DUXA: variants seen among roughly 807,000 people sequenced by gnomAD.
DUXA encodes double homeobox protein A.
In DUXA, 25 loss-of-function variants were observed where a neutral mutation model predicts 27.5. That is an observed-to-expected ratio of 0.91 (90% CI 0.66 to 1.27). DUXA has a LOEUF of 1.27. DUXA is among the 50% of genes most tolerant of loss of function. The probability of loss-of-function intolerance (pLI) is 0.00; values close to 1 mark genes in which losing one functional copy is unlikely to be tolerated. For missense variants in DUXA, 247 were observed against 242.9 expected, an observed-to-expected ratio of 1.02 and a Z score of -0.11; for synonymous variants, 90 against 80.5, an observed-to-expected ratio of 1.12 and a Z score of -0.63.
At chr19:57,167,307 A>T in intron 1 of DUXA, 112 bp downstream of exon 1, 3 of 1,341,024 alleles carry the variant, frequency 2.2e-6, no homozygotes, top group Non-Finnish European at 3.2e-6. Context: ...CTATCCAGAT[A>T]CAGTTAAAGT....
chr19:57,166,450 C>T (rs1367374268), intron 1 of DUXA, among the ~76,000 whole-genome samples: 2 of 152,126 alleles, frequency 1.3e-5, no homozygotes, highest in Admixed American at 6.6e-5. Context: ...GCTGGGACTA[C>T]AGGCGCCCAC....
chr19:57,158,734 G>A (rs4801434), intron 3 of DUXA, among the ~76,000 whole-genome samples: 93,660 of 152,102 alleles, frequency 0.62, 29,275 homozygotes, highest in South Asian at 0.78. Context: ...CTGTAATGCC[G>A]GCACTTTAAG....
chr19:57,155,008 C>T (rs1250077356), intron 5 of DUXA, among the ~76,000 whole-genome samples: 1 of 152,200 alleles, frequency 6.6e-6, no homozygotes. Context: ...TCCTTTGTAC[C>T]AGGCACTGGG....
At chr19:57,155,646 AAGATAGATAGAT>A (rs35512413) in intron 4 of DUXA, among the ~76,000 whole-genome samples, 1 of 144,012 alleles carries the variant, frequency 6.9e-6, no homozygotes, top group Admixed American at 7.1e-5. Flanking sequence ...TGCCCAACCC[AAGATAGATAGAT>A]AGATAGATAG....
In DUXA at chr19:57,161,450, C is replaced by A. The variant is rs544808743; in HGVS notation, c.26-653G>T. The stretch of plus-strand genomic sequence containing the variant: ...CATCCTGGCTAACATGATGAAACCC[C>A]GTCTCTACTAAAAATACAAAAAATT... On this transcript the variant is annotated intron_variant, in intron 1 of 5. Transcript: ENST00000554048. Among the ~76,000 whole-genome samples the A allele has an allele frequency of 1.1e-3, 160 of 149,462 alleles. 4 individuals are homozygous for A. The highest frequency in any genetic ancestry group is 9.8e-3 in the Admixed American group (148 of 15,100).
At chr19:57,158,828 C>T (rs2087005728) in intron 3 of DUXA, among the ~76,000 whole-genome samples, 1 of 152,100 alleles carries the variant, frequency 6.6e-6, no homozygotes, top group African/African-American at 2.4e-5. Context: ...ACTAAAAGTA[C>T]AAAAATTAGC....
chr19:57,160,786 T>C lies in DUXA; in HGVS notation c.37A>G (p.Thr13Ala). The C allele has an allele frequency of 6.2e-7, 1 of 1,614,072 alleles. No individual in the cohort carries two copies. The highest frequency in any genetic ancestry group is 8.5e-7 in the Non-Finnish European group (1 of 1,180,022). The change falls in exon 2 of 6, where the codon ACA becomes GCA. Residue 13 changes from threonine to alanine, a missense_variant. Physicochemically the swap from Thr to Ala is moderately conservative, Grantham distance 58. Transcript: ENST00000554048. ...EDTYSHKMVK[T>A]NHRRCRTKFT... ...TTTGTGCGACAGCGCCTATGATTTGTTTTTACCATCTCTGTAGGAAGATTA... is the reference window on the plus strand; with the variant it reads ...TTTGTGCGACAGCGCCTATGATTTGCTTTTACCATCTCTGTAGGAAGATTA...
At chr19:57,160,074 C>T (rs1412177570) in intron 2 of DUXA, among the ~76,000 whole-genome samples, 1 of 152,120 alleles carries the variant, frequency 6.6e-6, no homozygotes, top group Non-Finnish European at 1.5e-5. Flanking sequence ...CACTGCACTC[C>T]AGCTTGGACG....
intron 4 of DUXA, among the ~76,000 whole-genome samples, chr19:57,156,885 C>T (rs1459676791): frequency 2.0e-5 from 3 of 152,036 alleles, no homozygotes; most frequent in Admixed American, 6.6e-5. Flanking sequence ...AGGCTGGTCT[C>T]GAACTCCCGA....
chr19:57,154,608 G>A, intron 5 of DUXA, 126 bp from the exon 6 acceptor site: 4 of 704,764 alleles, frequency 5.7e-6, no homozygotes, highest in South Asian at 5.4e-5. Flanking sequence ...TTGTCGCCCA[G>A]GCTGGAGTGC....
At chr19:57,156,371 C>T (rs1231712289) in intron 4 of DUXA, among the ~76,000 whole-genome samples, 6 of 152,106 alleles carry the variant, frequency 3.9e-5, no homozygotes, top group South Asian at 4.1e-4. Context: ...TATACTTGTA[C>T]GCACACACTC....
rs772135803 is a variant in DUXA at position 57,155,356 on chromosome 19, C to T, written c.455G>A (p.Arg152Gln). The change falls in exon 5 of 6, where the codon CGA becomes CAA. Residue 152 changes from arginine (R) to glutamine (Q), a missense_variant. By Grantham distance (43) the Arg-to-Gln change is conservative. Transcript: ENST00000554048. ...TCTCTGGAGAAGTAATCTAGATCTT[C>T]GATTTTGGAACCAAATCTAAGTGGT... The part of the protein sequence containing the change: ...ESRVQIWFQN[R>Q]RSRLLLQRKR... The T allele has an allele frequency of 3.1e-6, 5 of 1,613,964 alleles. No homozygotes were observed. The highest frequency in any genetic ancestry group is 2.7e-5 in the African/African-American group (2 of 75,000).
At chr19:57,155,646 A>AAGATAGATAGATAGATAGATGAT (rs2086989408) in intron 4 of DUXA, among the ~76,000 whole-genome samples, 3 of 144,120 alleles carry the variant, frequency 2.1e-5, no homozygotes, top group African/African-American at 7.8e-5. Flanking sequence ...TGCCCAACCC[A>AAGATAGATAGATAGATAGATGAT]AGATAGATAG....
Position 57,167,467 on chromosome 19 carries a change from G to A in DUXA, c.-24C>T. On this transcript the variant is annotated 5_prime_UTR_variant, in exon 1 of 6. Coordinates refer to ENST00000554048, the MANE Select transcript of DUXA (RefSeq NM_001012729.2). ...ATGCTGGAAGAGAGTCCTGAAGGCT[G>A]AGCCACTGTCTGGGAGACAAGTCAC... The A allele has an allele frequency of 6.2e-7, 1 of 1,612,362 alleles. No individual in the cohort carries two copies. The highest frequency in any genetic ancestry group is 8.5e-7 in the Non-Finnish European group (1 of 1,179,534).
At chr19:57,161,453 C>G (rs901180525) in intron 1 of DUXA, among the ~76,000 whole-genome samples, 5 of 149,852 alleles carry the variant, frequency 3.3e-5, no homozygotes, top group African/African-American at 5.0e-5. Flanking sequence ...GAAACCCCGT[C>G]TCTACTAAAA....
chr19:57,154,141 C>T lies in DUXA; in HGVS notation c.*271G>A. The T allele has an allele frequency of 2.8e-6, 1 of 355,504 alleles. No homozygotes were observed. The highest frequency in any genetic ancestry group is 4.3e-5 in the Admixed American group (1 of 23,392). 22.0% of individuals were successfully genotyped at this position (355,504 alleles called of 1,614,324 possible). A position where few individuals can be genotyped will look rare whatever the true frequency, so the allele number is the denominator to read the frequency against. ...GTACCCGTCTCTGCCTCCTACAGTC[C>T]TTTTCATTTATTTTGTTTTTTTATA... On this transcript the variant is annotated 3_prime_UTR_variant, in exon 6 of 6. Coordinates refer to ENST00000554048, the MANE Select transcript of DUXA (RefSeq NM_001012729.2).
chr19:57,159,338 G>T, intron 2 of DUXA, 60 bp from the exon 3 acceptor site: 1 of 1,467,174 alleles, frequency 6.8e-7, no homozygotes, highest in Non-Finnish European at 9.4e-7. Context: ...CTACATCACT[G>T]CCTGTTCCCA....
At chr19:57,164,807 G>C (rs2087043291) in intron 1 of DUXA, among the ~76,000 whole-genome samples, 1 of 152,060 alleles carries the variant, frequency 6.6e-6, no homozygotes, top group South Asian at 2.1e-4. Context: ...TGTTACACAG[G>C]ATATTAAAAA....
chr19:57,154,269 T>C lies in DUXA; in HGVS notation c.*143A>G. 1 of 705,198 alleles carries C rather than the reference T, an allele frequency of 1.4e-6. No homozygotes were observed. The highest frequency in any genetic ancestry group is 2.3e-6 in the Non-Finnish European group (1 of 425,596). The allele number at this position is 705,198 out of a possible 1,614,324, so 43.7% of individuals were successfully genotyped here. On this transcript the variant is annotated 3_prime_UTR_variant, in exon 6 of 6. Coordinates refer to ENST00000554048, the MANE Select transcript of DUXA (RefSeq NM_001012729.2). ...TCCCAAAGTAGTGGGATTACAAGTG[T>C]GACCCACCACATCTGGCCAAGTCCT...
Sources: allele counts gnomAD v4.1 joint callset (sites outside exome capture counted in the v4.1 genomes callset), GRCh38; gene constraint gnomAD v4.1.1; transcripts MANE v1.5; gene names NCBI Gene and HGNC (gene_info 2026-07-23, HGNC 2026-07-21).